The following SNCAIP variants were observed in gnomAD, a reference collection of about 807,000 sequenced individuals.
SNCAIP encodes synuclein alpha interacting protein, also known as synphilin-1.
In SNCAIP, 43 loss-of-function variants were observed where a neutral mutation model predicts 86.7. That is an observed-to-expected ratio of 0.50 (90% CI 0.39 to 0.64). The LOEUF is 0.64. Ranked by LOEUF, SNCAIP falls within the 30% of genes least tolerant of loss-of-function variation. SNCAIP has a pLI of 0.00. For missense variants in SNCAIP, 981 were observed against 1,103.1 expected (o/e 0.89, Z 1.57); for synonymous variants, 417 against 427.2 (o/e 0.98, Z 0.29).
intron 1 of SNCAIP, among the ~76,000 whole-genome samples, chr5:122,381,635 C>A (rs1276277791): frequency 4.0e-5 from 6 of 150,336 alleles, no homozygotes; most frequent in Admixed American, 6.6e-5. Context: ...TCTTCCTAGT[C>A]TCGATGGTCT....
intron 7 of SNCAIP, among the ~76,000 whole-genome samples, chr5:122,441,447 CA>C (rs1780893505): frequency 6.6e-6 from 1 of 152,136 alleles, no homozygotes; most frequent in African/African-American, 2.4e-5. Context: ...ACAATGATGT[CA>C]AAAAGTTGGG....
chr5:122,339,555 T>C (rs1306845421), intron 1 of SNCAIP, among the ~76,000 whole-genome samples: 1 of 152,210 alleles, frequency 6.6e-6, no homozygotes, highest in African/African-American at 2.4e-5. Context: ...TCTTTTATTA[T>C]TGATTGGTCC....
chr5:122,312,317 A>C (rs1336646551), intron 1 of SNCAIP, 33 bp downstream of exon 1: 1 of 151,978 alleles, frequency 6.6e-6, no homozygotes, highest in East Asian at 2.0e-4. Flanking sequence ...CGCCGCGGGG[A>C]GGCGGGAGGC....
At chr5:122,455,638 C>T (rs887374224) in intron 10 of SNCAIP, among the ~76,000 whole-genome samples, 4 of 152,074 alleles carry the variant, frequency 2.6e-5, no homozygotes, top group Non-Finnish European at 5.9e-5. Flanking sequence ...TCCAGGAATA[C>T]ATTGGAATTC....
chr5:122,323,573 T>C (rs1753426834), intron 1 of SNCAIP, among the ~76,000 whole-genome samples: 1 of 152,214 alleles, frequency 6.6e-6, no homozygotes, highest in Non-Finnish European at 1.5e-5. Context: ...TAAGTCAACG[T>C]TCAGAGGATA....
In SNCAIP at chr5:122,436,395, T is replaced by G. The variant is rs565575907; in HGVS notation, c.1297-4234T>G. 1.7e-4 allele frequency: 26 copies of G among 152,248 alleles called. 1 individual carries two copies. The highest frequency in any genetic ancestry group is 6.3e-4 in the African/African-American group (26 of 41,540). 9.4% of individuals were successfully genotyped at this position (152,248 alleles called of 1,614,324 possible). On this transcript the variant is annotated intron_variant, in intron 6 of 10. Coordinates refer to ENST00000261368, the MANE Select transcript of SNCAIP (RefSeq NM_005460.4). ...TATCACTATTGAATCTCCTCCAACTTATTGTTTTTATTCCTATCAATATTA... is the reference window on the plus strand; with the variant it reads ...TATCACTATTGAATCTCCTCCAACTGATTGTTTTTATTCCTATCAATATTA...
intron 7 of SNCAIP, among the ~76,000 whole-genome samples, chr5:122,443,173 C>T (rs936932819): frequency 4.6e-5 from 7 of 152,208 alleles, no homozygotes; most frequent in African/African-American, 1.2e-4. Flanking sequence ...AAAAGGAAAA[C>T]GAAGCTCCTT....
intron 1 of SNCAIP, among the ~76,000 whole-genome samples, chr5:122,316,693 A>T (rs1246087787): frequency 6.6e-6 from 1 of 152,210 alleles, no homozygotes; most frequent in Non-Finnish European, 1.5e-5. Flanking sequence ...TCCTTCATTA[A>T]CGTTAATGGA....
intron 10 of SNCAIP, 116 bp downstream of exon 10, chr5:122,451,717 C>T: frequency 2.7e-6 from 2 of 754,182 alleles, no homozygotes; most frequent in Non-Finnish European, 2.2e-6. Context: ...AAAAAAAAAT[C>T]CAAAGGGATG....
chr5:122,396,028 G>A (rs1034751240), intron 2 of SNCAIP, among the ~76,000 whole-genome samples: 4 of 152,008 alleles, frequency 2.6e-5, no homozygotes, highest in African/African-American at 9.7e-5. Context: ...TTATCTATAT[G>A]GAAACTTTGT....
rs189438359 is a variant in SNCAIP at position 122,378,550 on chromosome 5, T to A, written c.-46-12539T>A. On this transcript the variant is annotated intron_variant, in intron 1 of 10. Transcript: ENST00000261368. Reference sequence around the variant, plus strand: ...GCAGAAGCTCTTTAGTTTAATTAGATCCCATTTGTCAATTTTGTCTTTTGT... The same window carrying A: ...GCAGAAGCTCTTTAGTTTAATTAGAACCCATTTGTCAATTTTGTCTTTTGT... Among the ~76,000 whole-genome samples the A allele has an allele frequency of 8.7e-3, 1,252 of 143,114 alleles. 134 individuals carry two copies. The highest frequency in any genetic ancestry group is 0.031 in the African/African-American group (1,191 of 38,218). 93.9% of individuals were successfully genotyped at this position (143,114 alleles called of 152,430 possible). A position where few individuals can be genotyped will look rare whatever the true frequency, so the allele number is the denominator to read the frequency against.
intron 1 of SNCAIP, among the ~76,000 whole-genome samples, chr5:122,351,165 T>A (rs1318936663): frequency 6.6e-6 from 1 of 152,198 alleles, no homozygotes; most frequent in South Asian, 2.1e-4. Flanking sequence ...AATTCTGCTT[T>A]GTGATATCTT....
intron 1 of SNCAIP, among the ~76,000 whole-genome samples, chr5:122,315,572 G>A (rs1751535175): frequency 6.6e-6 from 1 of 152,186 alleles, no homozygotes; most frequent in African/African-American, 2.4e-5. Context: ...GAGGATACTT[G>A]TGTCTAGCAG....
chr5:122,462,704 T>G (rs1786682750), intron 10 of SNCAIP, among the ~76,000 whole-genome samples: 1 of 152,222 alleles, frequency 6.6e-6, no homozygotes, highest in East Asian at 1.9e-4. Flanking sequence ...CATCCAAATG[T>G]GGTCTCATAA....
At chr5:122,449,804 C>T (rs750509733) in intron 8 of SNCAIP, 41 bp from the exon 9 acceptor site, 23 of 1,259,486 alleles carry the variant, frequency 1.8e-5, no homozygotes, top group Non-Finnish European at 2.7e-5. Context: ...ATAGCAGTAA[C>T]CAGTATCAGA....
At chr5:122,401,135 G>T in intron 2 of SNCAIP, 1 of 1,548,498 alleles carries the variant, frequency 6.5e-7, no homozygotes. Flanking sequence ...AGGTATGTTG[G>T]CGAACTGACA....
At chr5:122,336,475 G>A (rs543007273) in intron 1 of SNCAIP, among the ~76,000 whole-genome samples, 1 of 152,290 alleles carries the variant, frequency 6.6e-6, no homozygotes, top group South Asian at 2.1e-4. Context: ...GGACCATAGA[G>A]GTTTTCTATT....
intron 1 of SNCAIP, among the ~76,000 whole-genome samples, chr5:122,382,615 C>T (rs1348959770): frequency 5.3e-5 from 8 of 152,094 alleles, no homozygotes; most frequent in African/African-American, 7.2e-5. Flanking sequence ...GGAGGAGAGG[C>T]GCTCTGCGTT....
At position 122,398,911 on chromosome 5, in the gene SNCAIP, G is replaced by A. The variant is rs72789027; in HGVS notation, c.58-4882G>A. ...ATGCATGTTCCAACTGTTTTGCATG[G>A]CATGGTGACAAAACTGACTGGCGTA... is the stretch of plus-strand genomic sequence containing the variant. On this transcript the variant is annotated intron_variant, in intron 2 of 10. Coordinates refer to ENST00000261368, the MANE Select transcript of SNCAIP (RefSeq NM_005460.4). Among the ~76,000 whole-genome samples the A allele has an allele frequency of 7.1e-3, 1,081 of 152,164 alleles. 8 individuals carry two copies. Among genetic ancestry groups the A allele is most frequent in the Non-Finnish European group, 0.011 (774 of 67,994 alleles).
Sources: allele counts gnomAD v4.1 joint callset (sites outside exome capture counted in the v4.1 genomes callset), GRCh38; gene constraint gnomAD v4.1.1; transcripts MANE v1.5; gene names NCBI Gene and HGNC (gene_info 2026-07-23, HGNC 2026-07-21).